The following MAL2 variants were observed in gnomAD, a reference collection of about 807,000 sequenced individuals.
MAL2 encodes the protein protein MAL2.
MAL2 carries 17 observed loss-of-function variants against 18.1 expected under a neutral mutation model. The ratio of observed to expected loss-of-function variants is 0.94; its 90% CI spans 0.64 to 1.41. The LOEUF (loss-of-function observed/expected upper bound fraction) is 1.41. Ranked by LOEUF, MAL2 falls within the 40% of genes most tolerant of loss-of-function variation. The pLI is 0.00. For synonymous variants in MAL2, 102 were observed against 102.3 expected, an observed-to-expected ratio of 1.00 and a Z score of 0.02; for missense variants, 222 against 231.9, an observed-to-expected ratio of 0.96 and a Z score of 0.28.
Position 119,208,619 on chromosome 8 carries a change from CGGAGCGAGGGTCGCGCGG to C in MAL2, c.132+25_132+42del. The C allele has an allele frequency of 7.7e-7, 1 of 1,306,578 alleles. No homozygotes were observed. The highest frequency in any genetic ancestry group is 9.7e-7 in the Non-Finnish European group (1 of 1,025,718). 80.9% of individuals were successfully genotyped at this position (1,306,578 alleles called of 1,614,324 possible). A position where few individuals can be genotyped will look rare whatever the true frequency, so the allele number is the denominator to read the frequency against. Reference sequence around the variant, plus strand: ...GCCTGGAGATTGTAAGTGGGGCCGCCGGAGCGAGGGTCGCGCGGGGAGCGAGGACAGGCGGCGGCATCC... The same window carrying C: ...GCCTGGAGATTGTAAGTGGGGCCGCCGGAGCGAGGACAGGCGGCGGCATCC... On this transcript the variant is annotated intron_variant, in intron 1 of 3. Coordinates refer to ENST00000614891, the MANE Select transcript of MAL2 (RefSeq NM_052886.3). This position sits in a 1 kb window ranked among gnomAD's most constrained non-coding sequence, Gnocchi z 4.3.
intron 2 of MAL2, among the ~76,000 whole-genome samples, chr8:119,234,291 C>A (rs963950884): frequency 2.6e-5 from 4 of 152,208 alleles, no homozygotes; most frequent in African/African-American, 9.7e-5. Context: ...TATCCCACAC[C>A]TGGCTGGGAG....
intron 1 of MAL2, chr8:119,215,734 G>C (rs550831867): frequency 6.6e-6 from 1 of 152,334 alleles, no homozygotes; most frequent in South Asian, 2.1e-4. Flanking sequence ...CTCAGGGGAT[G>C]AGGGGTAGAG....
chr8:119,215,224 T>C (rs1817329645), intron 1 of MAL2: 1 of 152,218 alleles, frequency 6.6e-6, no homozygotes, highest in Non-Finnish European at 1.5e-5. Context: ...CAATAATAAC[T>C]TGAGAATTGA....
intron 1 of MAL2, among the ~76,000 whole-genome samples, chr8:119,213,720 G>A (rs534599488): frequency 3.9e-5 from 6 of 152,290 alleles, no homozygotes; most frequent in South Asian, 2.1e-4. Flanking sequence ...TTGGGAGGCC[G>A]TGGCAGGAGA....
chr8:119,223,800 G>T (rs1431473907), intron 2 of MAL2: 1 of 151,896 alleles, frequency 6.6e-6, no homozygotes, highest in Non-Finnish European at 1.5e-5. Flanking sequence ...TTGTGTGTGG[G>T]TCTTTTTTTT....
chr8:119,238,008 A>G (rs1176662289), intron 2 of MAL2, among the ~76,000 whole-genome samples: 1 of 152,236 alleles, frequency 6.6e-6, no homozygotes, highest in Non-Finnish European at 1.5e-5. Context: ...CCCTGTTTGC[A>G]GATGACATGA....
chr8:119,210,885 C>G (rs1437767903), intron 1 of MAL2, among the ~76,000 whole-genome samples: 2 of 152,102 alleles, frequency 1.3e-5, no homozygotes, highest in East Asian at 3.8e-4. Flanking sequence ...ATCAATCTCC[C>G]CCACCCCATT....
chr8:119,239,724 A>G (rs1818004861), intron 2 of MAL2, among the ~76,000 whole-genome samples: 1 of 149,108 alleles, frequency 6.7e-6, no homozygotes. Flanking sequence ...GAACAATGAG[A>G]ACACATGGAC....
intron 2 of MAL2, among the ~76,000 whole-genome samples, chr8:119,236,619 G>C (rs1458041185): frequency 2.6e-5 from 4 of 151,628 alleles, no homozygotes; most frequent in East Asian, 3.9e-4. Flanking sequence ...AATCAAACTA[G>C]AACTCAGGAT....
At chr8:119,236,108 G>A (rs1357383429) in intron 2 of MAL2, among the ~76,000 whole-genome samples, 11 of 52,234 alleles carry the variant, frequency 2.1e-4, no homozygotes, top group African/African-American at 9.5e-4. Context: ...GATCTACCAA[G>A]CAAATGGAAA....
chr8:119,237,795 A>G (rs956339134), intron 2 of MAL2, among the ~76,000 whole-genome samples: 1 of 149,376 alleles, frequency 6.7e-6, no homozygotes, highest in Admixed American at 6.6e-5. Context: ...ATTTCAAAAT[A>G]GTAAGAGCTA....
intron 3 of MAL2, among the ~76,000 whole-genome samples, chr8:119,240,585 C>T (rs1818027285): frequency 1.3e-5 from 2 of 152,336 alleles, no homozygotes; most frequent in Non-Finnish European, 2.9e-5. Context: ...CTTTGCACAG[C>T]AGTGTCTACT....
chr8:119,230,414 G>A (rs1817693182), intron 2 of MAL2, among the ~76,000 whole-genome samples: 1 of 151,286 alleles, frequency 6.6e-6, no homozygotes, highest in African/African-American at 2.4e-5. Flanking sequence ...GAAAAGGAGG[G>A]AGGAAGAAGC....
intron 2 of MAL2, among the ~76,000 whole-genome samples, chr8:119,230,455 G>T (rs1038523691): frequency 6.6e-6 from 1 of 151,982 alleles, no homozygotes; most frequent in Non-Finnish European, 1.5e-5. Context: ...GGCGGGAAGG[G>T]GCAAGCAGTA....
chr8:119,238,025 A>G (rs983037627), intron 2 of MAL2, among the ~76,000 whole-genome samples: 1 of 152,238 alleles, frequency 6.6e-6, no homozygotes, highest in African/African-American at 2.4e-5. Flanking sequence ...ATGATTGTAT[A>G]TCTAGAAAAC....
chr8:119,229,777 G>T (rs991864224), intron 2 of MAL2, among the ~76,000 whole-genome samples: 1 of 152,098 alleles, frequency 6.6e-6, no homozygotes, highest in African/African-American at 2.4e-5. Context: ...AACCACATAG[G>T]AGCCAACTCT....
chr8:119,212,610 G>A (rs949794866), intron 1 of MAL2, among the ~76,000 whole-genome samples: 1 of 152,200 alleles, frequency 6.6e-6, no homozygotes, highest in Non-Finnish European at 1.5e-5. Context: ...AAAGTATTGT[G>A]GAACAGCAGG....
At chr8:119,223,682 A>C (rs1034378202) in intron 2 of MAL2, 4 of 152,216 alleles carry the variant, frequency 2.6e-5, no homozygotes, top group African/African-American at 9.6e-5. Context: ...ATAGCAATGC[A>C]CAGCGTTGAT....
intron 2 of MAL2, among the ~76,000 whole-genome samples, chr8:119,239,881 A>G (rs890578944): frequency 6.6e-6 from 1 of 152,162 alleles, no homozygotes; most frequent in Non-Finnish European, 1.5e-5. Flanking sequence ...CATTGTGCAC[A>G]TGTACCCTAA....
Sources: gnomAD v4.1 joint callset for allele counts (sites outside exome capture counted in the v4.1 genomes callset) on GRCh38, gnomAD v4.1.1 for gene constraint, Gnocchi (gnomAD v3.1) non-coding constraint, MANE v1.5 for transcripts, NCBI Gene and HGNC (gene_info 2026-07-23, HGNC 2026-07-21) for gene names.